Variants in GRID2 observed in about 807,000 individuals in gnomAD.
GRID2 encodes glutamate receptor ionotropic, delta-2.
GRID2 carries 33 observed loss-of-function variants against 114.8 expected under a neutral mutation model. The ratio of observed to expected loss-of-function variants is 0.29; its 90% CI spans 0.22 to 0.38. GRID2 has a LOEUF of 0.38. Ranked by LOEUF, GRID2 falls within the 10% of genes least tolerant of loss-of-function variation. The pLI is 1.00. For synonymous variants in GRID2, 505 were observed against 449.9 expected (o/e 1.12, Z -1.55); for missense variants, 1,184 against 1,257.7 (o/e 0.94, Z 0.89).
chr4:92,605,123 T>G (rs1729393112), intron 2 of GRID2, among the ~76,000 whole-genome samples: 1 of 152,090 alleles, frequency 6.6e-6, no homozygotes, highest in Admixed American at 6.6e-5. Flanking sequence ...TGCTGAACTG[T>G]GAGTCTATTA....
At chr4:93,076,819 T>C (rs1258588268) in intron 2 of GRID2, among the ~76,000 whole-genome samples, 1 of 151,988 alleles carries the variant, frequency 6.6e-6, no homozygotes, top group Admixed American at 6.6e-5. Context: ...GGTATCACCA[T>C]GTTGGTCAGG....
At chr4:93,789,872 T>C (rs1271287022) in intron 1 of GRID2, among the ~76,000 whole-genome samples, 1 of 152,158 alleles carries the variant, frequency 6.6e-6, no homozygotes, top group Non-Finnish European at 1.5e-5. Context: ...TGTTAGGAAC[T>C]GGGCTGCACA....
chr4:93,645,882 C>T (rs1204649509), intron 14 of GRID2, among the ~76,000 whole-genome samples: 2 of 152,102 alleles, frequency 1.3e-5, no homozygotes, highest in African/African-American at 2.4e-5. Flanking sequence ...CTTACACTTC[C>T]TTTTTCATCT....
chr4:92,515,532 G>C (rs971060417), intron 1 of GRID2, among the ~76,000 whole-genome samples: 2 of 151,836 alleles, frequency 1.3e-5, no homozygotes, highest in Non-Finnish European at 2.9e-5. Flanking sequence ...TATAATAAGA[G>C]AGTATTCCAA....
rs1353633476 is a variant in GRID2 at position 92,648,766 on chromosome 4, C to T, written c.244+58480C>T. ...TGATTTAGAGTTAAAACTTTAGTTC[C>T]CATTTGATTATTGCACTTGATTCAT... On this transcript the variant is annotated intron_variant, in intron 2 of 15. Coordinates refer to ENST00000282020, the MANE Select transcript of GRID2 (RefSeq NM_001510.4). Among the ~76,000 whole-genome samples, 2 of 148,448 alleles carry T rather than the reference C, an allele frequency of 1.3e-5. 1 individual carries two copies. The highest frequency in any genetic ancestry group is 4.2e-4 in the South Asian group (2 of 4,724).
In GRID2 at chr4:92,969,374, C is replaced by T. The variant is rs569719149; in HGVS notation, c.245-115621C>T. 9.2e-5 allele frequency among the ~76,000 whole-genome samples: 14 copies of T among 151,660 alleles called. No homozygotes were observed. The South Asian group carries it at 1.0e-3, about 11-fold the overall frequency. ...ATGCTGAAAAATGTGGACATTAATA[C>T]TTGGATGGAAATTGTTATCATGATT... is the stretch of plus-strand genomic sequence containing the variant. On this transcript the variant is annotated intron_variant, in intron 2 of 15. Transcript: ENST00000282020.
chr4:92,844,104 T>G (rs920671060), intron 2 of GRID2, among the ~76,000 whole-genome samples: 1 of 152,160 alleles, frequency 6.6e-6, no homozygotes, highest in Non-Finnish European at 1.5e-5. Context: ...AATTCTATTT[T>G]TGCTTGAAAT....
chr4:92,782,920 C>G (rs1013411327), intron 2 of GRID2, among the ~76,000 whole-genome samples: 1 of 151,928 alleles, frequency 6.6e-6, no homozygotes, highest in African/African-American at 2.4e-5. Flanking sequence ...AACAGGAGAA[C>G]AGAAAATGAT....
At chr4:93,706,908 G>C (rs1466121517) in intron 14 of GRID2, among the ~76,000 whole-genome samples, 2 of 152,006 alleles carry the variant, frequency 1.3e-5, no homozygotes, top group African/African-American at 4.8e-5. Context: ...TTTTGTGGGA[G>C]TTTTATTATG....
At chr4:93,190,236 T>C (rs1740855443) in intron 4 of GRID2, among the ~76,000 whole-genome samples, 1 of 152,164 alleles carries the variant, frequency 6.6e-6, no homozygotes, top group African/African-American at 2.4e-5. Context: ...ATAGACTTCT[T>C]GTTTATAACC....
chr4:93,149,681 T>G (rs1736569475), intron 4 of GRID2, among the ~76,000 whole-genome samples: 1 of 152,128 alleles, frequency 6.6e-6, no homozygotes, highest in South Asian at 2.1e-4. Context: ...TCACCAAAGC[T>G]GGAGTATGGT....
At position 93,769,351 on chromosome 4, in the gene GRID2, C is replaced by A. The variant is rs1733934928; in HGVS notation, c.2502C>A (p.Val834=). ...TGGACATAAAGAGCTTTGCAGGGGT[C>A]TTTTGTATCCTGGCTGCTGGAATTG... The part of the protein sequence containing the change: ...GALDIKSFAG[V]FCILAAGIVL... The change falls in exon 15 of 16, where the codon GTC becomes GTA. Residue 834 remains valine (V), a synonymous_variant. Transcript: ENST00000282020. 1 of 1,613,980 alleles carries A rather than the reference C, an allele frequency of 6.2e-7. No individual in the cohort carries two copies. Among genetic ancestry groups the A allele is most frequent in the African/African-American group, 1.3e-5 (1 of 75,016 alleles).
intron 8 of GRID2, among the ~76,000 whole-genome samples, chr4:93,338,912 T>C (rs756643124): frequency 6.6e-6 from 1 of 152,110 alleles, no homozygotes; most frequent in African/African-American, 2.4e-5. Flanking sequence ...GTGTAACCAA[T>C]AGGAAACAAT....
intron 2 of GRID2, among the ~76,000 whole-genome samples, chr4:92,821,294 G>A (rs1222432569): frequency 6.6e-6 from 1 of 152,148 alleles, no homozygotes; most frequent in African/African-American, 2.4e-5. Flanking sequence ...AGGATGGTCA[G>A]CGCCTCTGGC....
At chr4:92,780,081 C>A (rs1018256189) in intron 2 of GRID2, among the ~76,000 whole-genome samples, 33 of 152,118 alleles carry the variant, frequency 2.2e-4, no homozygotes, top group Admixed American at 1.5e-3. Flanking sequence ...ATAGCAGCAT[C>A]TTTGTGCACA....
chr4:93,450,360 TC>T (rs1250274511), intron 10 of GRID2, among the ~76,000 whole-genome samples: 1 of 151,886 alleles, frequency 6.6e-6, no homozygotes, highest in East Asian at 1.9e-4. Flanking sequence ...TGCAAAATTT[TC>T]ATCTTAGAAA....
At chr4:92,320,507 C>G (rs760615136) in intron 1 of GRID2, among the ~76,000 whole-genome samples, 1 of 152,032 alleles carries the variant, frequency 6.6e-6, no homozygotes, top group African/African-American at 2.4e-5. Flanking sequence ...CAGAGTCTCA[C>G]TCTGTTGCCC....
At chr4:93,564,172 T>A (rs72670633) in intron 13 of GRID2, among the ~76,000 whole-genome samples, 1 of 151,960 alleles carries the variant, frequency 6.6e-6, no homozygotes, top group Non-Finnish European at 1.5e-5. Context: ...TTTAAAAATC[T>A]ATAAGTTTGA....
At chr4:92,597,389 G>T (rs1332993066) in intron 2 of GRID2, among the ~76,000 whole-genome samples, 1 of 152,092 alleles carries the variant, frequency 6.6e-6, no homozygotes, top group East Asian at 1.9e-4. Flanking sequence ...CTACTACAGT[G>T]AATGGATTGA....
Sources: allele counts gnomAD v4.1 joint callset (sites outside exome capture counted in the v4.1 genomes callset), GRCh38; gene constraint gnomAD v4.1.1; transcripts MANE v1.5; gene names NCBI Gene and HGNC (gene_info 2026-07-23, HGNC 2026-07-21).